The following TSPAN18 variants were observed in gnomAD, a reference collection of about 807,000 sequenced individuals.
The protein encoded by TSPAN18 is tetraspanin 18, also known as tetraspanin-18.
A neutral mutation model predicts 27.3 loss-of-function variants in TSPAN18; 14 were observed. The observed-to-expected ratio is 0.51, with a 90% CI of 0.34 to 0.80. TSPAN18 has a LOEUF of 0.80. TSPAN18 is among the 30% of genes least tolerant of loss of function. The pLI, the probability that TSPAN18 is intolerant of heterozygous loss-of-function variation, is 0.01. For missense variants in TSPAN18, 268 were observed against 323.9 expected, an observed-to-expected ratio of 0.83 and a Z score of 1.32; for synonymous variants, 143 against 136.5, an observed-to-expected ratio of 1.05 and a Z score of -0.33.
intron 2 of TSPAN18, among the ~76,000 whole-genome samples, chr11:44,780,103 G>A (rs760318002): frequency 4.0e-5 from 6 of 151,358 alleles, no homozygotes; most frequent in African/African-American, 9.7e-5. Context: ...CACCACCCCC[G>A]AGCTCCTACG....
chr11:44,919,198 C>A lies in TSPAN18; in HGVS notation c.334-16C>A. On this transcript the variant is annotated splice_polypyrimidine_tract_variant and intron_variant, in intron 6 of 9. Transcript: ENST00000520358. ...CAACTGCCAGGCCTAAGCCCATCTT[C>A]TCCCTCTGCCCCCAGCTCACCCGAG... 6.2e-7 allele frequency: 1 copy of A among 1,610,790 alleles called. No individual in the cohort carries two copies. Among genetic ancestry groups the A allele is most frequent in the Non-Finnish European group, 8.5e-7 (1 of 1,177,078 alleles).
chr11:44,840,197 A>G (rs932181651), intron 2 of TSPAN18, among the ~76,000 whole-genome samples: 5 of 152,222 alleles, frequency 3.3e-5, no homozygotes, highest in Non-Finnish European at 7.3e-5. Context: ...TGCATGACCA[A>G]CTGCTGAGCA....
At chr11:44,751,214 G>A (rs148159428) in intron 1 of TSPAN18, among the ~76,000 whole-genome samples, 94 of 152,298 alleles carry the variant, frequency 6.2e-4, no homozygotes, top group African/African-American at 2.2e-3. Flanking sequence ...CAAGGCTGGC[G>A]AGGCTCGTGC....
At chr11:44,899,158 C>T (rs1859169534) in intron 3 of TSPAN18, among the ~76,000 whole-genome samples, 1 of 152,208 alleles carries the variant, frequency 6.6e-6, no homozygotes, top group African/African-American at 2.4e-5. Context: ...CCCACTAAGT[C>T]AAGCTTGCCT....
In TSPAN18 at chr11:44,929,227, C is replaced by A. The variant is rs776108317; in HGVS notation, c.*49C>A. On this transcript the variant is annotated 3_prime_UTR_variant, in exon 10 of 10. Coordinates refer to ENST00000520358, the MANE Select transcript of TSPAN18 (RefSeq NM_130783.5). ...ACTCGCCCCACCCACCACTGCCCAG[C>A]ACCCAGTGTCCTCCCGTGCCCCTCC... 16 of 1,611,224 alleles carry A rather than the reference C, an allele frequency of 9.9e-6. No individual in the cohort carries two copies. Among genetic ancestry groups the A allele is most frequent in the Admixed American group, 3.3e-5 (2 of 60,004 alleles).
At position 44,931,436 on chromosome 11, in the gene TSPAN18, CAGAG is replaced by C. The variant is rs1860558935; in HGVS notation, c.*2259_*2262del. ...CCAGGCTTCTGGGGCCCACAGAAGT[CAGAG>C]GGAGGACCCAAGAGAAAGGGCTGGT... On this transcript the variant is annotated 3_prime_UTR_variant, in exon 10 of 10. Transcript: ENST00000520358. The C allele has an allele frequency of 6.4e-6, 1 of 155,276 alleles. No individual in the cohort carries two copies. The highest frequency in any genetic ancestry group is 2.0e-4 in the South Asian group (1 of 5,068). The allele number at this position is 155,276 out of a possible 1,614,324, so 9.6% of individuals were successfully genotyped here.
chr11:44,892,059 C>G (rs940602162), intron 3 of TSPAN18, among the ~76,000 whole-genome samples: 1 of 152,162 alleles, frequency 6.6e-6, no homozygotes, highest in African/African-American at 2.4e-5. Flanking sequence ...CCTACAGCCC[C>G]TTCCCCAAGG....
intron 2 of TSPAN18, among the ~76,000 whole-genome samples, chr11:44,845,435 G>A (rs7110434): frequency 0.19 from 28,187 of 152,236 alleles, 3,508 homozygotes; most frequent in Non-Finnish European, 0.28. Flanking sequence ...GTATATACCA[G>A]GCTTGTTGAT....
At position 44,906,388 on chromosome 11, in the gene TSPAN18, G is replaced by C. The variant is rs201114117; in HGVS notation, c.-10-19G>C. On this transcript the variant is annotated intron_variant, in intron 3 of 9. Coordinates refer to ENST00000520358, the MANE Select transcript of TSPAN18 (RefSeq NM_130783.5). ...TGGGGTCCCCCATCGGGAAGACTGA[G>C]GTGGCCTTGTATTTCTAGGTGGAGC... 1.1e-4 allele frequency: 170 copies of C among 1,613,800 alleles called. 1 individual carries two copies. The South Asian group carries it at 1.7e-3, about 16-fold the overall frequency.
At chr11:44,882,587 G>GAC (rs748475836) in intron 3 of TSPAN18, among the ~76,000 whole-genome samples, 111 of 130,858 alleles carry the variant, frequency 8.5e-4, no homozygotes, top group African/African-American at 2.4e-3. Context: ...CAGAGAGAGA[G>GAC]ACACACACAC....
intron 5 of TSPAN18, among the ~76,000 whole-genome samples, chr11:44,911,218 G>A (rs928889600): frequency 3.3e-5 from 5 of 152,210 alleles, no homozygotes; most frequent in South Asian, 4.1e-4. Context: ...ATTCGTGGGC[G>A]GAGTTAAATG....
chr11:44,755,461 AGGTG>A (rs1414703205), intron 1 of TSPAN18, among the ~76,000 whole-genome samples: 5 of 151,656 alleles, frequency 3.3e-5, no homozygotes, highest in East Asian at 3.9e-4. Flanking sequence ...AGACAAGTGC[AGGTG>A]GAGAGCCCGG....
In TSPAN18 at chr11:44,866,301, A is replaced by G. The variant is rs527600845; in HGVS notation, c.-11+5832A>G. On this transcript the variant is annotated intron_variant, in intron 3 of 9. Coordinates refer to ENST00000520358, the MANE Select transcript of TSPAN18 (RefSeq NM_130783.5). ...ATTAAATCTGCCTTCAGCTCCCTCC[A>G]CGAATTTGAAAGACATTCAATCCCA... Among the ~76,000 whole-genome samples the G allele has an allele frequency of 3.3e-5, 5 of 152,166 alleles. No homozygotes were observed. In the East Asian group the frequency reaches 9.7e-4, roughly 29 times the overall value.
chr11:44,858,735 C>T (rs1223229023), intron 2 of TSPAN18, among the ~76,000 whole-genome samples: 1 of 151,968 alleles, frequency 6.6e-6, no homozygotes, highest in African/African-American at 2.4e-5. Context: ...TGGTGGGGTA[C>T]AGAGAGGAGT....
At chr11:44,841,671 C>G (rs1857377094) in intron 2 of TSPAN18, among the ~76,000 whole-genome samples, 1 of 152,090 alleles carries the variant, frequency 6.6e-6, no homozygotes, top group Non-Finnish European at 1.5e-5. Context: ...GCTGACCACG[C>G]AGAGCTAGGA....
At chr11:44,831,946 G>A (rs1368076440) in intron 2 of TSPAN18, among the ~76,000 whole-genome samples, 1 of 152,152 alleles carries the variant, frequency 6.6e-6, no homozygotes, top group African/African-American at 2.4e-5. Context: ...TAAGCAGAGG[G>A]TGAACCAGCA....
At chr11:44,761,682 G>C (rs946448942) in intron 1 of TSPAN18, among the ~76,000 whole-genome samples, 1 of 152,126 alleles carries the variant, frequency 6.6e-6, no homozygotes, top group Non-Finnish European at 1.5e-5. Context: ...GCTCCTTCCC[G>C]GCATGGCTGC....
At position 44,831,640 on chromosome 11, in the gene TSPAN18, T is replaced by G. The variant is rs147570820; in HGVS notation, c.-152-28688T>G. ...TTTACTCGCTCACTCACTCATTCATTTATTCACAAATCTAGGTTGAGTGTC... is the reference window on the plus strand; with the variant it reads ...TTTACTCGCTCACTCACTCATTCATGTATTCACAAATCTAGGTTGAGTGTC... On this transcript the variant is annotated intron_variant, in intron 2 of 9. Transcript: ENST00000520358. Among the ~76,000 whole-genome samples, 605 of 152,328 alleles carry G rather than the reference T, an allele frequency of 4.0e-3. 3 individuals carry two copies. Among genetic ancestry groups the G allele is most frequent in the African/African-American group, 0.014 (569 of 41,588 alleles).
chr11:44,841,531 T>C (rs1268179303), intron 2 of TSPAN18, among the ~76,000 whole-genome samples: 11 of 149,204 alleles, frequency 7.4e-5, no homozygotes, highest in Non-Finnish European at 1.5e-4. Context: ...AAAAAAAGAC[T>C]GCATGTTGTA....
Sources: allele counts gnomAD v4.1 joint callset (sites outside exome capture counted in the v4.1 genomes callset), GRCh38; gene constraint gnomAD v4.1.1; transcripts MANE v1.5; gene names NCBI Gene and HGNC (gene_info 2026-07-23, HGNC 2026-07-21).